FRYL: variants seen among roughly 807,000 people sequenced by gnomAD.
FRYL encodes the protein FRY like transcription coactivator.
In FRYL, 150 loss-of-function variants were observed where a neutral mutation model predicts 351.2. That is an observed-to-expected ratio of 0.43 (90% CI 0.37 to 0.49). The LOEUF (loss-of-function observed/expected upper bound fraction) is 0.49, where lower values mean the gene tolerates loss of function less well. FRYL is among the 20% of genes least tolerant of loss of function. The pLI is 0.00. For missense variants in FRYL, 3,036 were observed against 3,619.3 expected, an observed-to-expected ratio of 0.84 and a Z score of 4.13; for synonymous variants, 1,153 against 1,257.1, an observed-to-expected ratio of 0.92 and a Z score of 1.75.
chr4:48,587,231 T>C (rs1435516719), intron 18 of FRYL, among the ~76,000 whole-genome samples: 2 of 152,114 alleles, frequency 1.3e-5, no homozygotes, highest in Non-Finnish European at 2.9e-5. Flanking sequence ...GTTCTTGTCC[T>C]GTATGTGACA....
At chr4:48,709,928 A>G (rs7689662) in intron 2 of FRYL, among the ~76,000 whole-genome samples, 150,547 of 152,324 alleles carry the variant, frequency 0.99, 74,415 homozygotes, top group East Asian at 1. Context: ...CTCAAAATGA[A>G]CCTATTTTAA....
chr4:48,752,107 T>C (rs990744719), intron 1 of FRYL, among the ~76,000 whole-genome samples: 7 of 152,192 alleles, frequency 4.6e-5, no homozygotes, highest in Admixed American at 1.3e-4. Context: ...AATGTGAATA[T>C]GGACTATATA....
chr4:48,626,809 T>C (rs1369708382), intron 4 of FRYL, among the ~76,000 whole-genome samples: 3 of 152,110 alleles, frequency 2.0e-5, no homozygotes, highest in Non-Finnish European at 4.4e-5. Context: ...TCATGTGTGA[T>C]TAATCTTTAT....
At chr4:48,524,285 C>A (rs1725520099) in intron 53 of FRYL, among the ~76,000 whole-genome samples, 1 of 151,676 alleles carries the variant, frequency 6.6e-6, no homozygotes, top group African/African-American at 2.4e-5. Context: ...TTGAAGGTGT[C>A]CAGGAACTTG....
chr4:48,570,713 A>G, intron 27 of FRYL, 114 bp downstream of exon 27: 1 of 699,262 alleles, frequency 1.4e-6, no homozygotes, highest in Non-Finnish European at 2.5e-6. Context: ...AGTGATACAT[A>G]CAGGTTTTCT....
intron 3 of FRYL, among the ~76,000 whole-genome samples, chr4:48,666,445 A>G (rs142300074): frequency 6.6e-6 from 1 of 152,218 alleles, no homozygotes; most frequent in East Asian, 1.9e-4. Context: ...TTAAAAGGAA[A>G]AGATGAAAAG....
intron 31 of FRYL, 95 bp downstream of exon 31, chr4:48,563,853 A>T: frequency 7.4e-7 from 1 of 1,356,016 alleles, no homozygotes; most frequent in South Asian, 1.5e-5. Context: ...CTGAAGGACA[A>T]CTAAACTGGT....
chr4:48,503,636 G>GTATC (rs1720239163), intron 60 of FRYL, among the ~76,000 whole-genome samples: 1 of 152,166 alleles, frequency 6.6e-6, no homozygotes, highest in South Asian at 2.1e-4. Context: ...CACCGTAAAT[G>GTATC]TATCTTCTAA....
intron 2 of FRYL, among the ~76,000 whole-genome samples, chr4:48,701,860 C>T (rs1321352424): frequency 6.6e-6 from 1 of 152,098 alleles, no homozygotes; most frequent in Non-Finnish European, 1.5e-5. Flanking sequence ...GCCATTACCC[C>T]CAGTAAGTCA....
At chr4:48,671,109 T>C (rs1182744551) in intron 3 of FRYL, among the ~76,000 whole-genome samples, 2 of 152,180 alleles carry the variant, frequency 1.3e-5, no homozygotes, top group African/African-American at 4.8e-5. Flanking sequence ...TCACCAGCGT[T>C]TGTTACTGCC....
At chr4:48,520,206 G>C (rs968211656) in intron 55 of FRYL, among the ~76,000 whole-genome samples, 1 of 152,204 alleles carries the variant, frequency 6.6e-6, no homozygotes, top group Non-Finnish European at 1.5e-5. Context: ...TTAGCCATAT[G>C]AGTATGAGCA....
chr4:48,624,358 A>G (rs145091202), intron 4 of FRYL, among the ~76,000 whole-genome samples: 297 of 152,288 alleles, frequency 2.0e-3, no homozygotes, highest in Admixed American at 2.9e-3. Flanking sequence ...GTGGAAAGCT[A>G]AGACCCTCTA....
At chr4:48,722,284 T>C (rs1342285249) in intron 1 of FRYL, among the ~76,000 whole-genome samples, 1 of 152,184 alleles carries the variant, frequency 6.6e-6, no homozygotes, top group Non-Finnish European at 1.5e-5. Flanking sequence ...ACTAGAATAG[T>C]AACTATATTT....
intron 3 of FRYL, among the ~76,000 whole-genome samples, chr4:48,644,206 T>G (rs1328953654): frequency 1.3e-5 from 2 of 152,072 alleles, no homozygotes; most frequent in African/African-American, 4.8e-5. Flanking sequence ...CCTCCCAAAG[T>G]GCTGGGATTA....
intron 4 of FRYL, among the ~76,000 whole-genome samples, chr4:48,631,513 T>A (rs776585): frequency 0.059 from 9,044 of 152,040 alleles, 372 homozygotes; most frequent in Non-Finnish European, 0.09. Flanking sequence ...GCTACATTCA[T>A]TAAAATACTA....
chr4:48,540,632 T>C lies in FRYL; in HGVS notation c.6016A>G (p.Ile2006Val). 6.2e-7 allele frequency: 1 copy of C among 1,613,932 alleles called. No homozygotes were observed. The highest frequency in any genetic ancestry group is 8.5e-7 in the Non-Finnish European group (1 of 1,179,916). Residue 2006 changes from isoleucine (I) to valine (V), a missense_variant, in exon 46 of 64, where the codon ATA becomes GTA. Coordinates refer to ENST00000358350, the MANE Select transcript of FRYL (RefSeq NM_015030.2). ...PTNLMATIFW[I>V]AASLLESDYE... ...TCTGATTCTAATAAAGATGCTGCTA[T>C]CCAAAAAATGGTGGCCATCAAGTTG...
chr4:48,527,338 T>C (rs1214891103), intron 53 of FRYL, 139 bp downstream of exon 53: 10 of 483,690 alleles, frequency 2.1e-5, no homozygotes, highest in East Asian at 1.3e-4. Flanking sequence ...CTAATTGTGG[T>C]AATCAAATTT....
chr4:48,576,044 T>C lies in FRYL; in HGVS notation c.2707A>G (p.Ser903Gly). ...GAGAAACTTACTTTAGAATCAATGCTATAGCCGCTATCTGGGGTAGACGCC... is the reference window on the plus strand; with the variant it reads ...GAGAAACTTACTTTAGAATCAATGCCATAGCCGCTATCTGGGGTAGACGCC... ...TLASTPDSGY[S>G]IDSKIIGIPS... The change falls in exon 24 of 64, where the codon AGC becomes GGC. Residue 903 changes from serine to glycine, a missense_variant. Physicochemically the swap from Ser to Gly is moderately conservative, Grantham distance 56. Around this residue, in one of 7 missense-constraint regions of FRYL, gnomAD observed 492 missense variants for 551.5 expected, o/e 0.89. Transcript: ENST00000358350. 6.2e-7 allele frequency: 1 copy of C among 1,609,392 alleles called. No homozygotes were observed. The highest frequency in any genetic ancestry group is 8.5e-7 in the Non-Finnish European group (1 of 1,178,256).
intron 4 of FRYL, among the ~76,000 whole-genome samples, chr4:48,626,787 A>T (rs1422683605): frequency 6.6e-6 from 1 of 152,108 alleles, no homozygotes; most frequent in African/African-American, 2.4e-5. Context: ...CAGTAGTCCC[A>T]ATTTTTTTCT....
Sources: allele counts gnomAD v4.1 joint callset (sites outside exome capture counted in the v4.1 genomes callset), GRCh38; gene constraint gnomAD v4.1.1; regional missense constraint gnomAD v4.1.1; transcripts MANE v1.5; gene names NCBI Gene and HGNC (gene_info 2026-07-23, HGNC 2026-07-21).